Variants in IL4R observed in about 807,000 individuals in gnomAD.
IL4R encodes interleukin-4 receptor subunit alpha.
A neutral mutation model predicts 41.5 loss-of-function variants in IL4R; 17 were observed. The ratio of observed to expected loss-of-function variants is 0.41; its 90% CI spans 0.28 to 0.61. The LOEUF is 0.61. Among genes scored for constraint, IL4R ranks in the 20% least tolerant of loss-of-function variants. IL4R has a pLI of 0.31. For synonymous variants in IL4R, 402 were observed against 422.9 expected (o/e 0.95, Z 0.61); for missense variants, 974 against 1,043.1 (o/e 0.93, Z 0.91).
At position 27,363,320 on chromosome 16, in the gene IL4R, A is replaced by T; in HGVS notation, c.1968A>T (p.Gly656=). 1 of 1,612,786 alleles carries T rather than the reference A, an allele frequency of 6.2e-7. No individual in the cohort carries two copies. The highest frequency in any genetic ancestry group is 8.5e-7 in the Non-Finnish European group (1 of 1,179,404). Residue 656 remains glycine (G), a synonymous_variant, in exon 11 of 11, where the codon GGA becomes GGT. Coordinates refer to ENST00000395762, the MANE Select transcript of IL4R (RefSeq NM_000418.4). ...APVPVPLFTF[G]LDREPPRSPQ... is the part of the protein sequence containing the mutation. ...TCCCTGTCCCCTTGTTCACCTTTGG[A>T]CTGGACAGGGAGCCACCTCGCAGTC...
chr16:27,344,748 C>G, intron 4 of IL4R, 121 bp from the exon 5 acceptor site: 1 of 1,061,508 alleles, frequency 9.4e-7, no homozygotes, highest in Non-Finnish European at 1.4e-6. Flanking sequence ...GATCTGTCCT[C>G]ACATCCGTGA....
chr16:27,352,908 C>CT (rs1278796068), intron 7 of IL4R, among the ~76,000 whole-genome samples: 8 of 152,188 alleles, frequency 5.3e-5, no homozygotes, highest in Non-Finnish European at 1.0e-4. Context: ...TGGCTTAACA[C>CT]TATGGGAATA....
intron 1 of IL4R, among the ~76,000 whole-genome samples, chr16:27,316,852 A>G (rs2084664341): frequency 6.6e-6 from 1 of 152,158 alleles, no homozygotes; most frequent in Non-Finnish European, 1.5e-5. Flanking sequence ...TATGTCAAGC[A>G]TACAAAACAG....
At chr16:27,341,306 A>C in intron 3 of IL4R, 1 of 614,732 alleles carries the variant, frequency 1.6e-6, no homozygotes, top group Non-Finnish European at 2.9e-6. Flanking sequence ...AGGATGCCAG[A>C]AGAGAAGGTA....
Position 27,345,415 on chromosome 16 carries a change from T to A in IL4R, c.361+395T>A, listed in dbSNP as rs2085607564. 1 of 353,274 alleles carries A rather than the reference T, an allele frequency of 2.8e-6. No individual in the cohort carries two copies. The highest frequency in any genetic ancestry group is 5.6e-6 in the Non-Finnish European group (1 of 178,106). 21.9% of individuals were successfully genotyped at this position (353,274 alleles called of 1,614,324 possible). On this transcript the variant is annotated intron_variant, in intron 5 of 10. Coordinates refer to ENST00000395762, the MANE Select transcript of IL4R (RefSeq NM_000418.4). This position sits in a 1 kb window ranked among gnomAD's most constrained non-coding sequence, Gnocchi z 4.5. ...TGGTCTTGACCGTGGAAGGCTGACC[T>A]TCTTCTGGTACCCGGAGTCCCTGCA...
At chr16:27,340,668 A>G (rs530801739) in intron 3 of IL4R, among the ~76,000 whole-genome samples, 134 of 152,080 alleles carry the variant, frequency 8.8e-4, no homozygotes, top group African/African-American at 3.1e-3. Flanking sequence ...GCTGCAGTGA[A>G]CTGTGATCGC....
In IL4R at chr16:27,362,814, C is replaced by T. The variant is rs1306819205; in HGVS notation, c.1462C>T (p.Pro488Ser). The T allele has an allele frequency of 1.2e-6, 2 of 1,614,170 alleles. No individual in the cohort carries two copies. Among genetic ancestry groups the T allele is most frequent in the East Asian group, 2.2e-5 (1 of 44,874 alleles). Residue 488 changes from proline to serine, a missense_variant, in exon 11 of 11, where the codon CCC (proline) becomes TCC (serine). By Grantham distance (74) the Pro-to-Ser change is moderately conservative. Transcript: ENST00000395762. ...SPDNLTCTET[P>S]LVIAGNPAYR... is the part of the protein sequence containing the mutation. ...AGACAACCTGACTTGCACAGAGACG[C>T]CCCTCGTCATCGCAGGCAACCCTGC... is the stretch of plus-strand genomic sequence containing the variant.
intron 6 of IL4R, among the ~76,000 whole-genome samples, chr16:27,352,190 A>T (rs2085901317): frequency 6.6e-6 from 1 of 152,220 alleles, no homozygotes; most frequent in South Asian, 2.1e-4. Flanking sequence ...GAGGACATTG[A>T]GGTCCAGAGA....
rs1158892037 is a variant in IL4R at position 27,328,221 on chromosome 16, AAAG to A, written c.-151-1843_-151-1841del. Among the ~76,000 whole-genome samples the A allele has an allele frequency of 2.0e-5, 3 of 151,560 alleles. No individual in the cohort carries two copies. The East Asian group carries it at 5.8e-4, about 29-fold the overall frequency. ...GCTCCATCTCAAAAAAAAAAAAAAA[AAAG>A]ATTGTTGAATTTATTATTGCTGAAT... On this transcript the variant is annotated intron_variant, in intron 1 of 10. Coordinates refer to ENST00000395762, the MANE Select transcript of IL4R (RefSeq NM_000418.4).
intron 5 of IL4R, 101 bp from the exon 6 acceptor site, chr16:27,346,366 C>A: frequency 8.2e-7 from 1 of 1,221,928 alleles, no homozygotes; most frequent in Non-Finnish European, 1.2e-6. Context: ...GTTTTGTCGA[C>A]CAAAAATCTG....
intron 1 of IL4R, among the ~76,000 whole-genome samples, chr16:27,321,667 G>A (rs2084815649): frequency 6.6e-6 from 1 of 152,152 alleles, no homozygotes. Flanking sequence ...AGAGGTTCCA[G>A]TTTTTCATGC....
At chr16:27,346,694 G>A in intron 6 of IL4R, 76 bp downstream of exon 6, 1 of 1,504,584 alleles carries the variant, frequency 6.6e-7, no homozygotes. Context: ...CCCAGTCCCT[G>A]GAGCCAGGAG....
rs1251849213 is a variant in IL4R, at chr16:27,345,122, C to G, written c.361+102C>G. On this transcript the variant is annotated intron_variant, in intron 5 of 10. Coordinates refer to ENST00000395762, the MANE Select transcript of IL4R (RefSeq NM_000418.4). This position sits in a 1 kb window ranked among gnomAD's most constrained non-coding sequence, Gnocchi z 4.5. ...GGAGGAGGTGGGGTCATAGCAACAG[C>G]AGGAGGAAGCCGCCTGTATTTTCCC... 5 of 1,232,930 alleles carry G rather than the reference C, an allele frequency of 4.1e-6. No homozygotes were observed. The highest frequency in any genetic ancestry group is 5.8e-6 in the Non-Finnish European group (5 of 864,902). The allele number at this position is 1,232,930 out of a possible 1,614,324, so 76.4% of individuals were successfully genotyped here. A position where few individuals can be genotyped will look rare whatever the true frequency, so the allele number is the denominator to read the frequency against.
At chr16:27,341,368 G>GA (rs2085436738) in intron 3 of IL4R, 11 of 594,228 alleles carry the variant, frequency 1.9e-5, no homozygotes, top group Admixed American at 3.0e-5. Context: ...AGATAAGCTT[G>GA]GAATATTTAT....
chr16:27,342,341 C>T (rs749184024), intron 4 of IL4R, 82 bp downstream of exon 4: 13 of 1,528,860 alleles, frequency 8.5e-6, no homozygotes, highest in Middle Eastern at 3.4e-4. Context: ...CCAGGTGGTG[C>T]GCTGGAGTGC....
chr16:27,337,639 G>C (rs1161398382), intron 2 of IL4R, among the ~76,000 whole-genome samples: 1 of 151,040 alleles, frequency 6.6e-6, no homozygotes, highest in Non-Finnish European at 1.5e-5. Context: ...GAGTGCAGTG[G>C]TGCCATCTCG....
intron 9 of IL4R, among the ~76,000 whole-genome samples, chr16:27,360,209 T>C (rs1262491096): frequency 6.6e-6 from 1 of 152,184 alleles, no homozygotes; most frequent in Non-Finnish European, 1.5e-5. Context: ...AGATGGGGTT[T>C]CTTCATGTCG....
At chr16:27,320,881 C>T (rs1207106665) in intron 1 of IL4R, among the ~76,000 whole-genome samples, 1 of 152,142 alleles carries the variant, frequency 6.6e-6, no homozygotes, top group Non-Finnish European at 1.5e-5. Flanking sequence ...GCCACATTTC[C>T]ACAGGTGGGC....
intron 2 of IL4R, among the ~76,000 whole-genome samples, chr16:27,337,959 C>CT (rs34463317): frequency 3.1e-3 from 423 of 137,598 alleles, no homozygotes; most frequent in East Asian, 8.2e-3. Flanking sequence ...TTTTCTTTTC[C>CT]TTTTTTTTTT....
Sources: allele counts gnomAD v4.1 joint callset (sites outside exome capture counted in the v4.1 genomes callset), GRCh38; gene constraint gnomAD v4.1.1; non-coding constraint Gnocchi (gnomAD v3.1); transcripts MANE v1.5; gene names NCBI Gene and HGNC (gene_info 2026-07-23, HGNC 2026-07-21).